The following MSN variants were observed in gnomAD, a reference collection of about 807,000 sequenced individuals.
MSN encodes the protein moesin.
MSN carries 2 observed loss-of-function variants against 48.0 expected under a neutral mutation model. That is an observed-to-expected ratio of 0.04 (90% CI 0.02 to 0.13). The LOEUF is 0.13. Among genes scored for constraint, MSN ranks in the 10% least tolerant of loss-of-function variants. The pLI, the probability that MSN is intolerant of heterozygous loss-of-function variation, is 1.00. For synonymous variants in MSN, 146 were observed against 166.9 expected, an observed-to-expected ratio of 0.87 and a Z score of 0.97; for missense variants, 267 against 470.1, an observed-to-expected ratio of 0.57 and a Z score of 3.99.
intron 2 of MSN, among the ~76,000 whole-genome samples, chrX:65,725,414 C>CT (rs893163426): frequency 6.4e-5 from 7 of 109,803 alleles, no homozygotes; most frequent in Admixed American, 9.7e-5. Flanking sequence ...CTCTCTCTCT[C>CT]TTTTTTTTTC....
intron 1 of MSN, among the ~76,000 whole-genome samples, chrX:65,631,700 G>C (rs2070559966): frequency 9.0e-6 from 1 of 110,512 alleles, no homozygotes; most frequent in African/African-American, 3.3e-5. Context: ...TTTGAGACAG[G>C]GTCTCACTCT....
intron 1 of MSN, among the ~76,000 whole-genome samples, chrX:65,632,723 G>C (rs1399441429): frequency 9.0e-6 from 1 of 111,583 alleles, no homozygotes; most frequent in Admixed American, 9.6e-5. Context: ...ACTCGTGAAG[G>C]TTCACGTGTA....
intron 1 of MSN, among the ~76,000 whole-genome samples, chrX:65,654,495 C>A (rs1044307876): frequency 9.1e-6 from 1 of 109,768 alleles, no homozygotes; most frequent in African/African-American, 3.3e-5. Context: ...TTATTATTAC[C>A]CCAATTTTTA....
Position 65,688,829 on chromosome X carries a change from G to A in MSN, c.12+20976G>A, listed in dbSNP as rs948768632. Among the ~76,000 whole-genome samples the A allele has an allele frequency of 3.6e-5, 4 of 111,942 alleles. No homozygotes were observed. In the East Asian group the frequency reaches 8.3e-4, roughly 23 times the overall value. ...TGGCTTCCTGTGTAACCCATTCTTG[G>A]TAGTGTCAGACCACTGCCTTCAAGG... is the stretch of plus-strand genomic sequence containing the variant. On this transcript the variant is annotated intron_variant, in intron 1 of 12. Coordinates refer to ENST00000360270, the MANE Select transcript of MSN (RefSeq NM_002444.3).
intron 4 of MSN, 55 bp from the exon 5 acceptor site, chrX:65,731,052 T>C (rs2071616939): frequency 4.2e-5 from 43 of 1,030,309 alleles, no homozygotes; most frequent in Non-Finnish European, 5.6e-5. Flanking sequence ...GCTTCCCTTC[T>C]CTCCTGCACA....
Position 65,629,069 on chromosome X carries a change from CA to C in MSN, c.-22+40472del, listed in dbSNP as rs1246130053. On this transcript the variant is annotated intron_variant, in intron 1 of 3. Transcript: ENST00000609672. ...TGGGCAATAGAGCGAGACTCCATCT[CA>C]AAAAAAAAAAAAAAGGAATGTTTTT... is the stretch of plus-strand genomic sequence containing the variant. Among the ~76,000 whole-genome samples the C allele has an allele frequency of 6.2e-3, 438 of 70,377 alleles. 2 individuals carry two copies. Among genetic ancestry groups the C allele is most frequent in the African/African-American group, 0.013 (243 of 18,861 alleles). 61.1% of individuals were successfully genotyped at this position (70,377 alleles called of 115,157 possible).
At chrX:65,694,467 T>G (rs2071210531) in intron 1 of MSN, among the ~76,000 whole-genome samples, 1 of 110,403 alleles carries the variant, frequency 9.1e-6, no homozygotes, top group Non-Finnish European at 1.9e-5. Context: ...GAGCTGGGAC[T>G]AGAGGCATGC....
intron 1 of MSN, among the ~76,000 whole-genome samples, chrX:65,681,907 C>G (rs1455231448): frequency 3.6e-5 from 4 of 111,480 alleles, no homozygotes; most frequent in Admixed American, 9.6e-5. Context: ...GGTGCCCCTA[C>G]AGCCAGTTTT....
chrX:65,655,084 G>A (rs2070772180), intron 1 of MSN, among the ~76,000 whole-genome samples: 1 of 110,989 alleles, frequency 9.0e-6, no homozygotes, highest in African/African-American at 3.3e-5. Context: ...CTAGTACAGT[G>A]CCTTTTGTGT....
intron 1 of MSN, among the ~76,000 whole-genome samples, chrX:65,604,785 C>T (rs746220876): frequency 3.6e-5 from 4 of 111,391 alleles, no homozygotes; most frequent in Non-Finnish European, 5.7e-5. Flanking sequence ...AAAATTTATC[C>T]TGAACCTAAC....
At chrX:65,701,475 A>G (rs2071303437) in intron 1 of MSN, among the ~76,000 whole-genome samples, 1 of 112,192 alleles carries the variant, frequency 8.9e-6, no homozygotes, top group South Asian at 3.7e-4. Flanking sequence ...TCATTTCAAC[A>G]GCATCAAGGC....
chrX:65,650,848 C>A (rs1156606310), intron 1 of MSN, among the ~76,000 whole-genome samples: 1 of 111,747 alleles, frequency 8.9e-6, no homozygotes, highest in Non-Finnish European at 1.9e-5. Flanking sequence ...ATTTCCTTGT[C>A]TTTTCCAGCT....
chrX:65,737,612 G>A (rs2071691064), intron 10 of MSN, among the ~76,000 whole-genome samples: 1 of 111,978 alleles, frequency 8.9e-6, no homozygotes, highest in Non-Finnish European at 1.9e-5. Flanking sequence ...AAGGAGAAAA[G>A]AACAAAAGGG....
intron 1 of MSN, 26 bp downstream of exon 1, chrX:65,667,879 G>T: frequency 2.5e-6 from 3 of 1,199,361 alleles, no homozygotes; most frequent in Non-Finnish European, 3.4e-6. Context: ...GGGCGCTGTC[G>T]ACCCCAATGG....
intron 1 of MSN, among the ~76,000 whole-genome samples, chrX:65,640,408 G>C (rs1314144361): frequency 8.9e-6 from 1 of 111,786 alleles, no homozygotes; most frequent in East Asian, 2.8e-4. Flanking sequence ...AGCTGGGCAT[G>C]GTGGCAGGCA....
chrX:65,729,579 A>G lies in MSN; in HGVS notation c.334A>G (p.Asn112Asp), dbSNP rs2071601783. 1 of 1,211,839 alleles carries G rather than the reference A, an allele frequency of 8.3e-7. No homozygotes were observed. Among genetic ancestry groups the G allele is most frequent in the Non-Finnish European group, 1.1e-6 (1 of 895,602 alleles). The change falls in exon 4 of 13, where the codon AAT (asparagine) becomes GAT (aspartate). Residue 112 changes from asparagine (N) to aspartate (D), a missense_variant. By Grantham distance (23) the Asn-to-Asp change is conservative. Around this residue, in one of 5 missense-constraint regions of MSN, gnomAD observed 89 missense variants for 151.0 expected, o/e 0.59. Coordinates refer to ENST00000360270, the MANE Select transcript of MSN (RefSeq NM_002444.3). ...TCTGCAAGTGAAAGAGGGCATTCTC[A>G]ATGATGATATTTACTGCCCGCCTGA... ...FFLQVKEGIL[N>D]DDIYCPPETA...
intron 1 of MSN, among the ~76,000 whole-genome samples, chrX:65,683,924 TTTTC>T (rs1226051787): frequency 2.8e-5 from 3 of 108,789 alleles, no homozygotes; most frequent in Non-Finnish European, 5.7e-5. Flanking sequence ...AAACTCTTTT[TTTTC>T]TTTCTTTCTT....
At chrX:65,631,997 T>C (rs1569456330) in intron 1 of MSN, among the ~76,000 whole-genome samples, 1 of 112,151 alleles carries the variant, frequency 8.9e-6, no homozygotes, top group Non-Finnish European at 1.9e-5. Flanking sequence ...TGGGCTATTA[T>C]TAATAAAACA....
rs1463733291 is a variant in MSN, at chrX:65,697,779, A to C, written c.13-19039A>C. On this transcript the variant is annotated intron_variant, in intron 1 of 12. Transcript: ENST00000360270. ...TGTCATCTTCCAGTCTCCAAATGTA[A>C]GTTAAATTGTCAATTTGTGTTTTTC... Among the ~76,000 whole-genome samples the C allele has an allele frequency of 2.7e-5, 3 of 112,584 alleles. No homozygotes were observed. In the South Asian group the frequency reaches 1.1e-3, roughly 41 times the overall value.
Sources: allele counts gnomAD v4.1 joint callset (sites outside exome capture counted in the v4.1 genomes callset), GRCh38; gene constraint gnomAD v4.1.1; regional missense constraint gnomAD v4.1.1; transcripts MANE v1.5; gene names NCBI Gene and HGNC (gene_info 2026-07-23, HGNC 2026-07-21).